The following TMEM164 variants were observed in gnomAD, a reference collection of about 807,000 sequenced individuals.
The protein encoded by TMEM164 is RP13-360B22.2.
Under a neutral mutation model 18.8 loss-of-function variants are expected in TMEM164, and 4 were observed. That is an observed-to-expected ratio of 0.21 (90% CI 0.10 to 0.49). The LOEUF is 0.49. Among genes scored for constraint, TMEM164 ranks in the 20% least tolerant of loss-of-function variants. The pLI is 0.98. For synonymous variants in TMEM164, 86 were observed against 101.7 expected, an observed-to-expected ratio of 0.85 and a Z score of 0.93; for missense variants, 108 against 239.9, an observed-to-expected ratio of 0.45 and a Z score of 3.63.
chrX:110,095,286 C>T (rs2065998223), intron 3 of TMEM164, among the ~76,000 whole-genome samples: 2 of 112,033 alleles, frequency 1.8e-5, no homozygotes, highest in East Asian at 5.6e-4. Flanking sequence ...TCCAACTTGG[C>T]TCCATTCTCC....
In TMEM164 at chrX:110,137,140, C is replaced by G. The variant is rs1190679324; in HGVS notation, c.508-7658C>G. On this transcript the variant is annotated intron_variant, in intron 4 of 6. Coordinates refer to ENST00000372068, the MANE Select transcript of TMEM164 (RefSeq NM_032227.4). ...TTATACATGTATATCATTTGCCTTA[C>G]TTTCGATTCTTATCATCCTCTCTAG... is the stretch of plus-strand genomic sequence containing the variant. 2.7e-5 allele frequency among the ~76,000 whole-genome samples: 3 copies of G among 111,884 alleles called. No homozygotes were observed. In the East Asian group the frequency reaches 8.4e-4, roughly 31 times the overall value.
intron 5 of TMEM164, among the ~76,000 whole-genome samples, chrX:110,155,498 C>T (rs1478592700): frequency 9.0e-6 from 1 of 110,881 alleles, no homozygotes; most frequent in Non-Finnish European, 1.9e-5. Context: ...TAGATCTCTT[C>T]CTCTGCGTCT....
chrX:110,052,845 G>C (rs1252402100), intron 2 of TMEM164, among the ~76,000 whole-genome samples: 1 of 102,802 alleles, frequency 9.7e-6, no homozygotes, highest in Non-Finnish European at 2.0e-5. Context: ...CCGCCTTCCA[G>C]GTTCAAGCGA....
At chrX:110,164,808 G>T (rs2067138547) in intron 5 of TMEM164, among the ~76,000 whole-genome samples, 1 of 111,537 alleles carries the variant, frequency 9.0e-6, no homozygotes, top group Non-Finnish European at 1.9e-5. Flanking sequence ...ACAATGAAAA[G>T]AAAGAAGTTA....
At chrX:110,058,203 G>A (rs1237159226) in intron 2 of TMEM164, among the ~76,000 whole-genome samples, 2 of 111,074 alleles carry the variant, frequency 1.8e-5, no homozygotes, top group South Asian at 3.8e-4. Flanking sequence ...GTTCAAGCAA[G>A]CATCTTTTCC....
rs757945538 is a variant in TMEM164 at position 110,173,251 on chromosome X, G to A, written c.694G>A (p.Glu232Lys). Residue 232 changes from glutamate to lysine, a missense_variant, in exon 7 of 7, where the codon GAA becomes AAA. Glu to Lys is a moderately conservative substitution (Grantham distance 56, BLOSUM62 1). Coordinates refer to ENST00000372068, the MANE Select transcript of TMEM164 (RefSeq NM_032227.4). ...SVLQILGLVT[E>K]VNLNNMLCPA... ...ACCTCCCTTGTCCCTGCAGGTCACC[G>A]AAGTGAATTTGAACAACATGCTGTG... 6.6e-6 allele frequency: 8 copies of A among 1,210,922 alleles called. No homozygotes were observed. The highest frequency in any genetic ancestry group is 8.9e-6 in the Non-Finnish European group (8 of 895,313).
chrX:110,080,153 G>A (rs913000057), intron 3 of TMEM164, among the ~76,000 whole-genome samples: 1 of 110,522 alleles, frequency 9.0e-6, no homozygotes, highest in Non-Finnish European at 1.9e-5. Context: ...TTCTGGTAGG[G>A]GCTCTTTTCA....
At chrX:110,037,943 A>C (rs1246629829) in intron 2 of TMEM164, among the ~76,000 whole-genome samples, 1 of 109,167 alleles carries the variant, frequency 9.2e-6, no homozygotes, top group African/African-American at 3.4e-5. Context: ...CATGGACTTA[A>C]TCATTAACTA....
chrX:110,143,437 T>G (rs1237744133), intron 4 of TMEM164, among the ~76,000 whole-genome samples: 1 of 111,713 alleles, frequency 9.0e-6, no homozygotes, highest in African/African-American at 3.3e-5. Context: ...AGCTGGGGTC[T>G]ACAGTGATAC....
intron 4 of TMEM164, among the ~76,000 whole-genome samples, chrX:110,129,698 G>A (rs1203853197): frequency 8.9e-6 from 1 of 112,291 alleles, no homozygotes; most frequent in African/African-American, 3.2e-5. Flanking sequence ...ACACTTTTAT[G>A]GCTGTGTCCT....
chrX:110,078,918 A>C (rs925696893), intron 3 of TMEM164, among the ~76,000 whole-genome samples: 1 of 112,271 alleles, frequency 8.9e-6, no homozygotes, highest in African/African-American at 3.2e-5. Context: ...GATAAAGATA[A>C]AAATTATAAA....
chrX:110,173,601 T>A lies in TMEM164; in HGVS notation c.*150T>A. 1 of 507,296 alleles carries A rather than the reference T, an allele frequency of 2.0e-6. No homozygotes were observed. Among genetic ancestry groups the A allele is most frequent in the Non-Finnish European group, 3.2e-6 (1 of 312,893 alleles). 41.8% of individuals were successfully genotyped at this position (507,296 alleles called of 1,213,427 possible). ...CCTTTCTGTCCCTTTCTTCTACCAC[T>A]CTTCCTTTCCCAGCTCTTCCCCCTA... is the stretch of plus-strand genomic sequence containing the variant. On this transcript the variant is annotated 3_prime_UTR_variant, in exon 7 of 7. Transcript: ENST00000372068.
At chrX:110,066,049 G>A (rs1157698923) in intron 2 of TMEM164, among the ~76,000 whole-genome samples, 1 of 111,940 alleles carries the variant, frequency 8.9e-6, no homozygotes, top group Non-Finnish European at 1.9e-5. Flanking sequence ...TTCCTTTGAT[G>A]AGGTATCATG....
At chrX:110,089,521 A>G (rs184140975) in intron 3 of TMEM164, among the ~76,000 whole-genome samples, 196 of 112,510 alleles carry the variant, frequency 1.7e-3, no homozygotes, top group African/African-American at 6.0e-3. Flanking sequence ...TCTACATATG[A>G]TACTTTGTAA....
intron 4 of TMEM164, among the ~76,000 whole-genome samples, chrX:110,143,772 T>C (rs1353985204): frequency 9.1e-6 from 1 of 109,975 alleles, no homozygotes; most frequent in Non-Finnish European, 1.9e-5. Flanking sequence ...CCCTTTCCCC[T>C]GGGTGCCTTT....
At position 110,176,604 on chromosome X, in the gene TMEM164, A is replaced by G. The variant is rs1602756508; in HGVS notation, c.*3153A>G. The G allele has an allele frequency of 4.5e-5, 6 of 134,347 alleles. No individual in the cohort carries two copies. In the South Asian group the frequency reaches 2.0e-3, roughly 46 times the overall value. The allele number at this position is 134,347 out of a possible 1,213,427, so 11.1% of individuals were successfully genotyped here. A position where few individuals can be genotyped will look rare whatever the true frequency, so the allele number is the denominator to read the frequency against. ...CTGTAGCCTCTGTTGAGGTTTTTAT[A>G]TTTGTGATCATTGGTAATTCAGTGT... is the stretch of plus-strand genomic sequence containing the variant. On this transcript the variant is annotated 3_prime_UTR_variant, in exon 7 of 7. Coordinates refer to ENST00000372068, the MANE Select transcript of TMEM164 (RefSeq NM_032227.4).
chrX:110,159,541 T>C (rs778842868), intron 5 of TMEM164, among the ~76,000 whole-genome samples: 4 of 108,895 alleles, frequency 3.7e-5, no homozygotes, highest in Non-Finnish European at 5.7e-5. Flanking sequence ...GAGGTTAGGG[T>C]ATTGGAAGAG....
intron 2 of TMEM164, among the ~76,000 whole-genome samples, chrX:110,048,252 G>A (rs961004250): frequency 8.9e-6 from 1 of 111,817 alleles, no homozygotes; most frequent in African/African-American, 3.3e-5. Context: ...CCCTCTGCCT[G>A]GAGCCTTCTC....
chrX:110,024,408 C>T (rs1019528464), intron 2 of TMEM164, among the ~76,000 whole-genome samples: 7 of 111,194 alleles, frequency 6.3e-5, no homozygotes, highest in African/African-American at 2.3e-4. Context: ...CTCAGCCTCT[C>T]GAGTAACTAG....
Sources: allele counts gnomAD v4.1 joint callset (sites outside exome capture counted in the v4.1 genomes callset), GRCh38; gene constraint gnomAD v4.1.1; transcripts MANE v1.5; gene names NCBI Gene and HGNC (gene_info 2026-07-23, HGNC 2026-07-21).